DNAAF11: variants seen among roughly 807,000 people sequenced by gnomAD.
DNAAF11 encodes dynein axonemal assembly factor 11.
Under a neutral mutation model 60.8 loss-of-function variants are expected in DNAAF11, and 45 were observed. The observed-to-expected ratio is 0.74, with a 90% CI of 0.58 to 0.95. The LOEUF (loss-of-function observed/expected upper bound fraction) is 0.95. Among genes scored for constraint, DNAAF11 ranks in the 40% least tolerant of loss-of-function variants. The pLI is 0.00. For synonymous variants in DNAAF11, 191 were observed against 183.5 expected, an observed-to-expected ratio of 1.04 and a Z score of -0.33; for missense variants, 546 against 546.2, an observed-to-expected ratio of 1.00 and a Z score of 0.00.
intron 10 of DNAAF11, among the ~76,000 whole-genome samples, chr8:132,609,549 T>G (rs1182754927): frequency 6.6e-6 from 1 of 152,142 alleles, no homozygotes; most frequent in East Asian, 1.9e-4. Flanking sequence ...TAAACTGACC[T>G]AAGAAGTTCC....
At position 132,571,649 on chromosome 8, in the gene DNAAF11, T is replaced by G. The variant is rs1295934512; in HGVS notation, c.*657A>C. On this transcript the variant is annotated 3_prime_UTR_variant, in exon 12 of 12. Transcript: ENST00000620350. ...GAGGCTCTAAATGTATGGCTGACACTGTACTAAGTGCTTTCTGCAGTTTAT... is the reference window on the plus strand; with the variant it reads ...GAGGCTCTAAATGTATGGCTGACACGGTACTAAGTGCTTTCTGCAGTTTAT... 1.3e-5 allele frequency among the ~76,000 whole-genome samples: 2 copies of G among 152,110 alleles called. No individual in the cohort carries two copies. The highest frequency in any genetic ancestry group is 4.8e-5 in the African/African-American group (2 of 41,422).
rs771806569 is a variant in DNAAF11 at position 132,632,865 on chromosome 8, G to A, written c.528C>T (p.His176=). 9.3e-6 allele frequency: 15 copies of A among 1,613,598 alleles called. No homozygotes were observed. In the East Asian group the frequency reaches 1.1e-4, roughly 12 times the overall value. ...EPQIREQEKD[H]CLKRAKLKEE... is the part of the protein sequence containing the mutation. Reference sequence around the variant, plus strand: ...CCTTGAGTTTGGCTCGTTTAAGACAGTGATCTTTTTCCTGCTCTCTGATTT... The same window carrying A: ...CCTTGAGTTTGGCTCGTTTAAGACAATGATCTTTTTCCTGCTCTCTGATTT... Residue 176 remains histidine (H), a synonymous_variant, in exon 5 of 12, where the codon CAC becomes CAT. Transcript: ENST00000620350.
At chr8:132,702,879 CAA>C in the DNAAF11 span, among the ~76,000 whole-genome samples, 1 of 152,104 alleles carries the variant, frequency 6.6e-6, no homozygotes, top group Non-Finnish European at 1.5e-5. Flanking sequence ...AAGGACACAG[CAA>C]GAGAGGAAAC....
At chr8:132,658,897 C>CA (rs1823856339) in intron 2 of DNAAF11, among the ~76,000 whole-genome samples, 1 of 152,102 alleles carries the variant, frequency 6.6e-6, no homozygotes, top group Non-Finnish European at 1.5e-5. Context: ...CTCTGTAAGT[C>CA]AAAATGGAAG....
intron 7 of DNAAF11, among the ~76,000 whole-genome samples, chr8:132,615,636 CAG>C (rs936836782): frequency 2.6e-5 from 4 of 152,106 alleles, no homozygotes; most frequent in African/African-American, 9.7e-5. Flanking sequence ...GATGAAGAAA[CAG>C]AGGTTCAAAG....
chr8:132,656,141 A>C (rs552670489), intron 3 of DNAAF11, among the ~76,000 whole-genome samples: 2 of 152,334 alleles, frequency 1.3e-5, no homozygotes, highest in South Asian at 4.1e-4. Context: ...ATCAGTCTAC[A>C]ATGATTCCGG....
At chr8:132,575,506 A>G (rs1384127612) in intron 11 of DNAAF11, among the ~76,000 whole-genome samples, 2 of 152,172 alleles carry the variant, frequency 1.3e-5, no homozygotes, top group Non-Finnish European at 2.9e-5. Context: ...TATGCCCACA[A>G]TCAAATGAGG....
At chr8:132,577,413 T>C (rs1190264727) in intron 11 of DNAAF11, among the ~76,000 whole-genome samples, 1 of 152,216 alleles carries the variant, frequency 6.6e-6, no homozygotes. Flanking sequence ...CGTAGCCAAA[T>C]ATATCCTTAT....
At chr8:132,702,140 G>A in the DNAAF11 span, 1 of 152,092 alleles carries the variant, frequency 6.6e-6, no homozygotes, top group Non-Finnish European at 1.5e-5. Flanking sequence ...CACTATATAA[G>A]CTTACTTTCT....
chr8:132,594,820 C>T (rs1240819330), intron 10 of DNAAF11, among the ~76,000 whole-genome samples: 1 of 152,138 alleles, frequency 6.6e-6, no homozygotes, highest in East Asian at 1.9e-4. Context: ...ACCTCTTTTC[C>T]TTATAAATTA....
At chr8:132,608,944 A>AGG (rs2129923346) in intron 10 of DNAAF11, among the ~76,000 whole-genome samples, 1 of 152,326 alleles carries the variant, frequency 6.6e-6, no homozygotes, top group Non-Finnish European at 1.5e-5. Flanking sequence ...GAATTATTAA[A>AGG]TTATTACAGA....
intron 4 of DNAAF11, among the ~76,000 whole-genome samples, chr8:132,634,854 G>A (rs970993297): frequency 6.6e-6 from 1 of 150,822 alleles, no homozygotes; most frequent in Non-Finnish European, 1.5e-5. Flanking sequence ...GAAAACTCTA[G>A]ATAATTTCTT....
intron 6 of DNAAF11, among the ~76,000 whole-genome samples, chr8:132,623,476 T>C (rs1819957945): frequency 6.6e-6 from 1 of 151,852 alleles, no homozygotes; most frequent in East Asian, 1.9e-4. Context: ...CTCATTACAC[T>C]GAAGGGTTGG....
chr8:132,630,601 G>A (rs953510180), intron 5 of DNAAF11, among the ~76,000 whole-genome samples: 1 of 152,066 alleles, frequency 6.6e-6, no homozygotes, highest in South Asian at 2.1e-4. Flanking sequence ...GTCACAGACT[G>A]GTAGAAGACA....
At chr8:132,613,728 C>G (rs1280416153) in intron 8 of DNAAF11, among the ~76,000 whole-genome samples, 1 of 152,138 alleles carries the variant, frequency 6.6e-6, no homozygotes, top group Non-Finnish European at 1.5e-5. Flanking sequence ...GGTTGAAGTC[C>G]TGAGGGCTGA....
At chr8:132,586,254 A>G (rs1317648462) in intron 10 of DNAAF11, among the ~76,000 whole-genome samples, 2 of 152,116 alleles carry the variant, frequency 1.3e-5, no homozygotes, top group Non-Finnish European at 2.9e-5. Context: ...AATTTTCTGC[A>G]ATTCTGTTTT....
At chr8:132,605,823 A>G (rs1818070433) in intron 10 of DNAAF11, among the ~76,000 whole-genome samples, 1 of 152,170 alleles carries the variant, frequency 6.6e-6, no homozygotes, top group Non-Finnish European at 1.5e-5. Context: ...GGCAGAAAGA[A>G]CAGCAAGTGC....
chr8:132,663,203 T>G (rs899371518), intron 1 of DNAAF11, among the ~76,000 whole-genome samples: 5 of 152,198 alleles, frequency 3.3e-5, no homozygotes, highest in Admixed American at 6.5e-5. Flanking sequence ...GGAACCCTGC[T>G]GCCAGCACCA....
At chr8:132,597,219 C>G (rs1279514386) in intron 10 of DNAAF11, among the ~76,000 whole-genome samples, 3 of 152,134 alleles carry the variant, frequency 2.0e-5, no homozygotes, top group African/African-American at 4.8e-5. Context: ...ATAAAGAATA[C>G]AAGAAAGATG....
Sources: gnomAD v4.1 joint callset for allele counts (sites outside exome capture counted in the v4.1 genomes callset) on GRCh38, gnomAD v4.1.1 for gene constraint, MANE v1.5 for transcripts, NCBI Gene and HGNC (gene_info 2026-07-23, HGNC 2026-07-21) for gene names.